Variants in FRMD8 observed in about 807,000 individuals in gnomAD.
FRMD8 encodes the protein FERM domain containing 8.
In FRMD8, 37 loss-of-function variants were observed where a neutral mutation model predicts 54.2. That is an observed-to-expected ratio of 0.68 (90% CI 0.53 to 0.90). The LOEUF (loss-of-function observed/expected upper bound fraction) is 0.90. FRMD8 is among the 40% of genes least tolerant of loss of function. The pLI is 0.00. For synonymous variants in FRMD8, 246 were observed against 286.9 expected (o/e 0.86, Z 1.44); for missense variants, 585 against 653.7 (o/e 0.89, Z 1.15).
chr11:65,379,424 G>C, the FRMD8 span: 1 of 1,613,086 alleles, frequency 6.2e-7, no homozygotes, highest in Non-Finnish European at 8.5e-7. Flanking sequence ...GCATGTAGCT[G>C]GGCGGCTGGG....
the FRMD8 span, chr11:65,376,009 G>A: frequency 5.3e-6 from 1 of 187,092 alleles, no homozygotes; most frequent in Non-Finnish European, 1.1e-5. Context: ...GGCGGAGGTT[G>A]CAGTGAGCCG....
chr11:65,396,611 G>A (rs1855960237), intron 6 of FRMD8, among the ~76,000 whole-genome samples, 188 bp from the exon 7 acceptor site: 1 of 152,184 alleles, frequency 6.6e-6, no homozygotes. Flanking sequence ...CTGCCCTTCG[G>A]AGGGGGGCCG....
At chr11:65,380,047 A>G in the FRMD8 span, 1 of 1,584,954 alleles carries the variant, frequency 6.3e-7, no homozygotes. Context: ...AGGAAAGGCA[A>G]GATTAGCCAG....
chr11:65,372,852 CAGTG>C, the FRMD8 span, among the ~76,000 whole-genome samples: 1 of 152,210 alleles, frequency 6.6e-6, no homozygotes, highest in Admixed American at 6.5e-5. Context: ...ACGGGCTGCC[CAGTG>C]GTGTTCTGAC....
At chr11:65,385,692 C>A (rs1396099974), upstream of FRMD8, among the ~76,000 whole-genome samples, 1 of 152,170 alleles carries the variant, frequency 6.6e-6, no homozygotes, top group Non-Finnish European at 1.5e-5. Context: ...CCTGGGAAAA[C>A]CTCAAGGTCT....
At chr11:65,383,574 A>G (rs940515256), upstream of FRMD8, 1 of 152,342 alleles carries the variant, frequency 6.6e-6, no homozygotes, top group Non-Finnish European at 1.5e-5. Flanking sequence ...CCTGACCAAC[A>G]TAGTGAAACC....
chr11:65,374,183 C>G, the FRMD8 span, among the ~76,000 whole-genome samples: 1 of 152,156 alleles, frequency 6.6e-6, no homozygotes, highest in Admixed American at 6.5e-5. Context: ...TGGCCTCCAG[C>G]CATCTGCAGC....
At chr11:65,410,946 T>TGCCAGGATCCC (rs1282409902) in intron 10 of FRMD8, among the ~76,000 whole-genome samples, 2 of 152,242 alleles carry the variant, frequency 1.3e-5, no homozygotes, top group African/African-American at 2.4e-5. Context: ...CATCCCTCTG[T>TGCCAGGATCCC]GCCAGGATCC....
At chr11:65,373,581 A>G in the FRMD8 span, among the ~76,000 whole-genome samples, 1 of 152,020 alleles carries the variant, frequency 6.6e-6, no homozygotes, top group Non-Finnish European at 1.5e-5. Context: ...ATCTTTTTAA[A>G]AATTATTATC....
At chr11:65,407,969 A>G (rs1856242695) in intron 10 of FRMD8, among the ~76,000 whole-genome samples, 5 of 151,618 alleles carry the variant, frequency 3.3e-5, no homozygotes, top group Admixed American at 2.6e-4. Flanking sequence ...TGTGGCCGTC[A>G]GCGGCTGTAG....
At chr11:65,380,874 G>C in the FRMD8 span, 1 of 296,948 alleles carries the variant, frequency 3.4e-6, no homozygotes, top group Non-Finnish European at 6.8e-6. Flanking sequence ...AGCCAGGTGG[G>C]GCAGAGGCCC....
intron 2 of FRMD8, 90 bp downstream of exon 2, chr11:65,387,211 A>T: frequency 9.6e-7 from 1 of 1,040,856 alleles, no homozygotes. Flanking sequence ...TTCATTAAAG[A>T]TAATTTATGT....
chr11:65,387,011 A>C (rs769221214), intron 1 of FRMD8, 26 bp from the exon 2 acceptor site: 1 of 1,595,310 alleles, frequency 6.3e-7, no homozygotes, highest in East Asian at 2.3e-5. Context: ...GCTCCCGGTA[A>C]CTGCTGTTTC....
chr11:65,377,876 G>A, the FRMD8 span: 3 of 152,316 alleles, frequency 2.0e-5, no homozygotes, highest in Non-Finnish European at 4.4e-5. Flanking sequence ...CTGTCTCTGA[G>A]GGATTTATCT....
intron 6 of FRMD8, among the ~76,000 whole-genome samples, chr11:65,395,591 G>A (rs908961955): frequency 4.6e-5 from 7 of 152,154 alleles, no homozygotes; most frequent in Admixed American, 6.6e-5. Flanking sequence ...TCTGATGGCC[G>A]GTCCACAGCC....
At chr11:65,388,309 G>A (rs187277713) in intron 2 of FRMD8, among the ~76,000 whole-genome samples, 126 of 152,326 alleles carry the variant, frequency 8.3e-4, no homozygotes, top group Admixed American at 3.0e-3. Flanking sequence ...GTTCTTGCCT[G>A]AGAAGTAGAT....
the FRMD8 span, chr11:65,381,303 G>T: frequency 6.5e-6 from 1 of 153,510 alleles, no homozygotes; most frequent in Non-Finnish European, 1.5e-5. Flanking sequence ...GCTAATTTTT[G>T]TATTTTTAGT....
the FRMD8 span, chr11:65,380,588 C>G: frequency 7.7e-7 from 1 of 1,296,470 alleles, no homozygotes; most frequent in South Asian, 1.2e-5. Context: ...CGCCGGGATC[C>G]AGAGCAGGCC....
the FRMD8 span, among the ~76,000 whole-genome samples, chr11:65,368,285 G>C: frequency 2.6e-4 from 40 of 151,494 alleles, no homozygotes; most frequent in Non-Finnish European, 5.2e-4. Flanking sequence ...TCTGTTGGCC[G>C]GGCTGGTCTC....
Sources: allele counts gnomAD v4.1 joint callset (sites outside exome capture counted in the v4.1 genomes callset), GRCh38; gene constraint gnomAD v4.1.1; transcripts MANE v1.5; gene names NCBI Gene and HGNC (gene_info 2026-07-23, HGNC 2026-07-21).